ZNF251: variants seen among roughly 807,000 people sequenced by gnomAD.
The protein encoded by ZNF251 is zinc finger protein 251.
A neutral mutation model predicts 13.5 loss-of-function variants in ZNF251; 14 were observed. The ratio of observed to expected loss-of-function variants is 1.04; its 90% CI spans 0.69 to 1.63. ZNF251 has a LOEUF of 1.63. Among genes scored for constraint, ZNF251 ranks in the 40% most tolerant of loss-of-function variants. ZNF251 has a pLI of 0.00. For synonymous variants in ZNF251, 287 were observed against 295.2 expected, an observed-to-expected ratio of 0.97 and a Z score of 0.28; for missense variants, 764 against 834.9, an observed-to-expected ratio of 0.92 and a Z score of 1.05.
At position 144,721,300 on chromosome 8, in the gene ZNF251, G is replaced by C. The variant is rs1445088560; in HGVS notation, c.*344C>G. The C allele has an allele frequency of 2.9e-6, 1 of 344,152 alleles. No homozygotes were observed. The highest frequency in any genetic ancestry group is 2.1e-5 in the African/African-American group (1 of 47,578). The allele number at this position is 344,152 out of a possible 1,614,324, so 21.3% of individuals were successfully genotyped here. ...GTTCTCAGCCACAAGCCTGGGCCTG[G>C]ATAGGAAACAAAGGATAAGACTGGA... is the stretch of plus-strand genomic sequence containing the variant. On this transcript the variant is annotated 3_prime_UTR_variant, in exon 5 of 5. Coordinates refer to ENST00000292562, the MANE Select transcript of ZNF251 (RefSeq NM_138367.2).
chr8:144,734,606 A>G lies in ZNF251; in HGVS notation c.278-11224T>C, dbSNP rs935187125. On this transcript the variant is annotated intron_variant, in intron 4 of 4. Coordinates refer to ENST00000292562, the MANE Select transcript of ZNF251 (RefSeq NM_138367.2). This position sits in a 1 kb window ranked among gnomAD's most constrained non-coding sequence, Gnocchi z 4.4. ...GCTGACCCTGGGTCAGTGACCTCCC[A>G]CAGAGGTCACTGGGACACCCTGAAG... is the stretch of plus-strand genomic sequence containing the variant. Among the ~76,000 whole-genome samples, 5 of 152,190 alleles carry G rather than the reference A, an allele frequency of 3.3e-5. No homozygotes were observed. The highest frequency in any genetic ancestry group is 1.3e-4 in the Admixed American group (2 of 15,272).
intron 4 of ZNF251, among the ~76,000 whole-genome samples, chr8:144,742,028 C>T (rs929978959): frequency 7.2e-5 from 11 of 151,856 alleles, no homozygotes; most frequent in Non-Finnish European, 1.5e-4. Context: ...ACCAAGAGGC[C>T]GGTGCTGCAG....
chr8:144,729,456 C>T (rs535516238), intron 4 of ZNF251, among the ~76,000 whole-genome samples: 21 of 151,346 alleles, frequency 1.4e-4, no homozygotes, highest in East Asian at 2.0e-4. Flanking sequence ...CCTGCCTCAG[C>T]CTCCCGAGTA....
At position 144,744,781 on chromosome 8, in the gene ZNF251, C is replaced by T. The variant is rs78235861; in HGVS notation, c.277+8902G>A. Among the ~76,000 whole-genome samples the T allele has an allele frequency of 9.9e-3, 1,511 of 152,194 alleles. 24 individuals are homozygous for T. Among genetic ancestry groups the T allele is most frequent in the African/African-American group, 0.032 (1,332 of 41,540 alleles). On this transcript the variant is annotated intron_variant, in intron 4 of 4. Transcript: ENST00000292562. Reference sequence around the variant, plus strand: ...AGAACTGTAAGAAAATAAGGCCGGGCGCAGTGGCTCATGTCTGTAATCCCA... The same window carrying T: ...AGAACTGTAAGAAAATAAGGCCGGGTGCAGTGGCTCATGTCTGTAATCCCA...
intron 4 of ZNF251, among the ~76,000 whole-genome samples, chr8:144,731,460 G>C (rs1383275434): frequency 6.6e-6 from 1 of 152,158 alleles, no homozygotes; most frequent in African/African-American, 2.4e-5. Context: ...CTTAAGATTT[G>C]TGCATTTCAT....
chr8:144,742,434 C>CA (rs1388640069), intron 4 of ZNF251, among the ~76,000 whole-genome samples: 3 of 152,006 alleles, frequency 2.0e-5, no homozygotes, highest in Non-Finnish European at 4.4e-5. Context: ...CATTTCACAG[C>CA]AATATTAAGC....
intron 4 of ZNF251, chr8:144,729,984 C>G: frequency 2.3e-5 from 22 of 948,530 alleles, no homozygotes; most frequent in Non-Finnish European, 2.8e-5. Context: ...CAGGGCTGAG[C>G]CCACCCAGGG....
Position 144,734,955 on chromosome 8 carries a change from T to C in ZNF251, c.278-11573A>G, listed in dbSNP as rs1823834089. Reference sequence around the variant, plus strand: ...CAGACGTGGTGGTGCATGCCTGTGATCCCAGCTACTTGGGAGGCTGAGGCA... The same window carrying C: ...CAGACGTGGTGGTGCATGCCTGTGACCCCAGCTACTTGGGAGGCTGAGGCA... On this transcript the variant is annotated intron_variant, in intron 4 of 4. Coordinates refer to ENST00000292562, the MANE Select transcript of ZNF251 (RefSeq NM_138367.2). This position sits in a 1 kb window ranked among gnomAD's most constrained non-coding sequence, Gnocchi z 4.4. Among the ~76,000 whole-genome samples the C allele has an allele frequency of 6.6e-6, 1 of 151,930 alleles. No homozygotes were observed. The highest frequency in any genetic ancestry group is 2.4e-5 in the African/African-American group (1 of 41,332).
intron 4 of ZNF251, among the ~76,000 whole-genome samples, chr8:144,752,868 G>T (rs541409638): frequency 2.8e-4 from 42 of 152,082 alleles, no homozygotes; most frequent in Non-Finnish European, 5.0e-4. Flanking sequence ...GGAGGAAAAG[G>T]GAGAAAAGTA....
Position 144,734,603 on chromosome 8 carries a change from C to T in ZNF251, c.278-11221G>A, listed in dbSNP as rs1823823365. Reference sequence around the variant, plus strand: ...GGTGCTGACCCTGGGTCAGTGACCTCCCACAGAGGTCACTGGGACACCCTG... The same window carrying T: ...GGTGCTGACCCTGGGTCAGTGACCTTCCACAGAGGTCACTGGGACACCCTG... On this transcript the variant is annotated intron_variant, in intron 4 of 4. Coordinates refer to ENST00000292562, the MANE Select transcript of ZNF251 (RefSeq NM_138367.2). This position sits in a 1 kb window ranked among gnomAD's most constrained non-coding sequence, Gnocchi z 4.4. 6.6e-6 allele frequency among the ~76,000 whole-genome samples: 1 copy of T among 152,136 alleles called. No individual in the cohort carries two copies. The highest frequency in any genetic ancestry group is 6.5e-5 in the Admixed American group (1 of 15,268).
At chr8:144,751,001 C>G (rs1824669285) in intron 4 of ZNF251, among the ~76,000 whole-genome samples, 2 of 152,150 alleles carry the variant, frequency 1.3e-5, no homozygotes, top group East Asian at 1.9e-4. Flanking sequence ...AGGAACCCAC[C>G]ACCACGCCCA....
At chr8:144,749,613 C>T (rs557451100) in intron 4 of ZNF251, among the ~76,000 whole-genome samples, 2 of 152,306 alleles carry the variant, frequency 1.3e-5, no homozygotes, top group South Asian at 2.1e-4. Context: ...TACTCTTCTA[C>T]CTTTTGTGGG....
chr8:144,729,187 TA>T (rs1471045057), intron 4 of ZNF251, among the ~76,000 whole-genome samples: 1 of 151,848 alleles, frequency 6.6e-6, no homozygotes, highest in Non-Finnish European at 1.5e-5. Flanking sequence ...TGTTAAAATT[TA>T]AAAATACGAG....
chr8:144,729,658 G>C (rs1257892439), intron 4 of ZNF251, among the ~76,000 whole-genome samples: 1 of 151,976 alleles, frequency 6.6e-6, no homozygotes, highest in Admixed American at 6.6e-5. Context: ...TAAATGCCAG[G>C]GTCCTCCCTG....
At chr8:144,740,281 G>A (rs1423987246) in intron 4 of ZNF251, among the ~76,000 whole-genome samples, 8 of 151,226 alleles carry the variant, frequency 5.3e-5, no homozygotes, top group African/African-American at 1.5e-4. Flanking sequence ...GTGAAACTCC[G>A]TCTCAAAAAT....
chr8:144,731,034 C>G (rs1273575741), intron 4 of ZNF251, among the ~76,000 whole-genome samples: 2 of 152,166 alleles, frequency 1.3e-5, no homozygotes, highest in African/African-American at 4.8e-5. Flanking sequence ...CCTCCAACTG[C>G]CCCAACAGGA....
intron 4 of ZNF251, among the ~76,000 whole-genome samples, chr8:144,750,724 G>A (rs1387161061): frequency 6.6e-6 from 1 of 152,050 alleles, no homozygotes; most frequent in Non-Finnish European, 1.5e-5. Flanking sequence ...TGTCCACACT[G>A]AGCCTCTAGC....
intron 1 of ZNF251, 116 bp from the exon 2 acceptor site, chr8:144,754,919 T>G (rs1475328578): frequency 3.5e-6 from 5 of 1,433,892 alleles, no homozygotes; most frequent in Non-Finnish European, 4.6e-6. Context: ...CAGGTCACTA[T>G]GCAGCACGGG....
chr8:144,753,598 C>T (rs1277208873), intron 4 of ZNF251, 85 bp downstream of exon 4: 3 of 1,105,590 alleles, frequency 2.7e-6, no homozygotes, highest in South Asian at 2.8e-5. Flanking sequence ...AATATGAACG[C>T]CATGCCCCAG....
Sources: allele counts gnomAD v4.1 joint callset (sites outside exome capture counted in the v4.1 genomes callset), GRCh38; gene constraint gnomAD v4.1.1; non-coding constraint Gnocchi (gnomAD v3.1); transcripts MANE v1.5; gene names NCBI Gene and HGNC (gene_info 2026-07-23, HGNC 2026-07-21).